Variants in NKAIN2 observed in about 807,000 individuals in gnomAD.
NKAIN2 encodes the protein sodium/potassium-transporting ATPase subunit beta-1-interacting protein 2.
NKAIN2 carries 14 observed loss-of-function variants against 32.6 expected under a neutral mutation model. The observed-to-expected ratio is 0.43, with a 90% CI of 0.28 to 0.67. The LOEUF is 0.67. Ranked by LOEUF, NKAIN2 falls within the 30% of genes least tolerant of loss-of-function variation. The pLI is 0.17. For missense variants in NKAIN2, 198 were observed against 258.3 expected (o/e 0.77, Z 1.60); for synonymous variants, 80 against 87.2 (o/e 0.92, Z 0.46).
intron 1 of NKAIN2, among the ~76,000 whole-genome samples, chr6:124,113,666 TG>T (rs2114974890): frequency 6.8e-6 from 1 of 147,862 alleles, no homozygotes; most frequent in South Asian, 2.3e-4. Flanking sequence ...GAACTGAACA[TG>T]GGATCCAAGC....
intron 1 of NKAIN2, among the ~76,000 whole-genome samples, chr6:124,262,399 T>A (rs1044152948): frequency 3.9e-5 from 6 of 152,184 alleles, no homozygotes; most frequent in Non-Finnish European, 8.8e-5. Flanking sequence ...TACTCATCTC[T>A]CTTGAAATTG....
chr6:124,517,400 T>A (rs1778954970), intron 3 of NKAIN2, among the ~76,000 whole-genome samples: 1 of 152,152 alleles, frequency 6.6e-6, no homozygotes, highest in Non-Finnish European at 1.5e-5. Context: ...AAATCTGATC[T>A]TTTTTCCCTG....
chr6:124,026,979 G>T (rs1781139696), intron 1 of NKAIN2, among the ~76,000 whole-genome samples: 1 of 151,996 alleles, frequency 6.6e-6, no homozygotes, highest in Admixed American at 6.6e-5. Flanking sequence ...CTGTGTTTCT[G>T]CCTCAAATTT....
intron 1 of NKAIN2, among the ~76,000 whole-genome samples, chr6:124,048,740 A>G (rs1340107942): frequency 1.3e-5 from 2 of 152,066 alleles, no homozygotes; most frequent in African/African-American, 4.8e-5. Context: ...ATAAATAATT[A>G]TTGGAAATTT....
intron 4 of NKAIN2, among the ~76,000 whole-genome samples, chr6:124,729,506 C>T (rs1468348838): frequency 6.6e-6 from 1 of 151,274 alleles, no homozygotes; most frequent in Non-Finnish European, 1.5e-5. Context: ...CAAAATTCAA[C>T]AACCCTTCAT....
chr6:124,023,837 G>A (rs1780982056), intron 1 of NKAIN2, among the ~76,000 whole-genome samples: 1 of 152,058 alleles, frequency 6.6e-6, no homozygotes, highest in Non-Finnish European at 1.5e-5. Context: ...GGAATTTGGG[G>A]ATAGACATTA....
intron 3 of NKAIN2, among the ~76,000 whole-genome samples, chr6:124,473,945 A>G (rs1777079593): frequency 6.6e-6 from 1 of 152,184 alleles, no homozygotes; most frequent in African/African-American, 2.4e-5. Flanking sequence ...AATATTATTC[A>G]GGTGCTGCTA....
intron 3 of NKAIN2, among the ~76,000 whole-genome samples, chr6:124,544,880 T>C (rs1342802790): frequency 6.6e-6 from 1 of 152,178 alleles, no homozygotes; most frequent in Non-Finnish European, 1.5e-5. Context: ...AAAATTTTTT[T>C]GGGGATCTCT....
At chr6:124,318,451 A>G (rs1170853574) in intron 2 of NKAIN2, among the ~76,000 whole-genome samples, 1 of 151,964 alleles carries the variant, frequency 6.6e-6, no homozygotes, top group African/African-American at 2.4e-5. Flanking sequence ...CCAATAAATT[A>G]TTCTTGATAA....
intron 1 of NKAIN2, among the ~76,000 whole-genome samples, chr6:124,026,245 G>A (rs983850408): frequency 6.6e-6 from 1 of 152,094 alleles, no homozygotes; most frequent in African/African-American, 2.4e-5. Flanking sequence ...TTATTGATCT[G>A]TCTTTTGTTA....
chr6:124,194,809 T>A (rs1790234730), intron 1 of NKAIN2, among the ~76,000 whole-genome samples: 1 of 152,122 alleles, frequency 6.6e-6, no homozygotes, highest in South Asian at 2.1e-4. Context: ...TACTTTCAAA[T>A]TTTTGGTAAG....
chr6:123,906,283 C>CT (rs567783482), intron 1 of NKAIN2, among the ~76,000 whole-genome samples: 2,061 of 145,562 alleles, frequency 0.014, 43 homozygotes, highest in African/African-American at 0.045. Flanking sequence ...TCTTCTTCTA[C>CT]TTTTTTTTTT....
chr6:124,358,345 C>T lies in NKAIN2; in HGVS notation c.273+2998C>T, dbSNP rs374676558. On this transcript the variant is annotated intron_variant, in intron 3 of 6. Coordinates refer to ENST00000368417, the MANE Select transcript of NKAIN2 (RefSeq NM_001040214.3). ...TTCTAGTTCTAGATCCCTGAGGAAT[C>T]GCCACACTGACTTCCACAATGGTTG... Among the ~76,000 whole-genome samples the T allele has an allele frequency of 8.4e-4, 128 of 152,176 alleles. 4 individuals carry two copies. In the East Asian group the frequency reaches 0.021, roughly 25 times the overall value.
chr6:124,070,199 A>G (rs1353723552), intron 1 of NKAIN2, among the ~76,000 whole-genome samples: 3 of 151,990 alleles, frequency 2.0e-5, no homozygotes, highest in Admixed American at 2.0e-4. Flanking sequence ...CTTTTGTTCT[A>G]TTTATCTTAT....
intron 2 of NKAIN2, among the ~76,000 whole-genome samples, chr6:124,305,255 G>A (rs573095876): frequency 9.2e-4 from 140 of 152,268 alleles, no homozygotes; most frequent in African/African-American, 2.8e-3. Context: ...TATTACAGTG[G>A]AGAATGTATT....
chr6:124,813,433 TCAAAG>T, intron 5 of NKAIN2, among the ~76,000 whole-genome samples: 1 of 152,176 alleles, frequency 6.6e-6, no homozygotes, highest in East Asian at 1.9e-4. Context: ...AATAAGGAAC[TCAAAG>T]CAAGAACTTA....
intron 3 of NKAIN2, among the ~76,000 whole-genome samples, chr6:124,568,204 A>G (rs1018428620): frequency 4.6e-5 from 7 of 152,228 alleles, no homozygotes; most frequent in Non-Finnish European, 8.8e-5. Context: ...AGAAAGATAC[A>G]TAGCAAAAAG....
At chr6:123,961,857 G>T (rs1777866819) in intron 1 of NKAIN2, among the ~76,000 whole-genome samples, 1 of 152,052 alleles carries the variant, frequency 6.6e-6, no homozygotes, top group Admixed American at 6.5e-5. Context: ...TATAATCAGA[G>T]ATTAAATTAT....
chr6:124,689,406 C>G (rs1427352451), intron 4 of NKAIN2, among the ~76,000 whole-genome samples: 1 of 151,986 alleles, frequency 6.6e-6, no homozygotes, highest in Non-Finnish European at 1.5e-5. Flanking sequence ...CATACTGTTG[C>G]TTTTCTTTTC....
Sources: gnomAD v4.1 joint callset for allele counts (sites outside exome capture counted in the v4.1 genomes callset) on GRCh38, gnomAD v4.1.1 for gene constraint, MANE v1.5 for transcripts, NCBI Gene and HGNC (gene_info 2026-07-23, HGNC 2026-07-21) for gene names.